The following APPL1 variants were observed in gnomAD, a reference collection of about 807,000 sequenced individuals.
APPL1 encodes DCC-interacting protein 13-alpha.
A neutral mutation model predicts 106.8 loss-of-function variants in APPL1; 42 were observed. The observed-to-expected ratio is 0.39, with a 90% confidence interval of 0.31 to 0.51. The LOEUF (loss-of-function observed/expected upper bound fraction) is 0.51, where lower values mean the gene tolerates loss of function less well. Among genes scored for constraint, APPL1 ranks in the 20% least tolerant of loss-of-function variants. The pLI, the probability that APPL1 is intolerant of heterozygous loss-of-function variation, is 0.75. For missense variants in APPL1, 769 were observed against 858.2 expected (o/e 0.90, Z 1.30); for synonymous variants, 263 against 281.8 (o/e 0.93, Z 0.67).
intron 19 of APPL1, among the ~76,000 whole-genome samples, chr3:57,263,040 A>G (rs566488981): frequency 6.6e-6 from 1 of 151,888 alleles, no homozygotes; most frequent in East Asian, 2.0e-4. Context: ...TAGTAGAGAC[A>G]GGGTTTCTCC....
At chr3:57,246,371 G>A in intron 8 of APPL1, 149 bp downstream of exon 8, 1 of 560,700 alleles carries the variant, frequency 1.8e-6, no homozygotes, top group Non-Finnish European at 2.7e-6. Context: ...AATGTCATCA[G>A]ACTATTATTT....
In APPL1 at chr3:57,270,362, G is replaced by A. The variant is rs1007738599; in HGVS notation, c.*675G>A. On this transcript the variant is annotated 3_prime_UTR_variant, in exon 22 of 22. Transcript: ENST00000288266. ...TCAGTTCAAGATTGATAGAGCCCTT[G>A]GCATTTTATTATCACATTCTTAGTT... 1 of 152,564 alleles carries A rather than the reference G, an allele frequency of 6.6e-6. No individual in the cohort carries two copies. The highest frequency in any genetic ancestry group is 2.4e-5 in the African/African-American group (1 of 41,442). The allele number at this position is 152,564 out of a possible 1,614,324, so 9.5% of individuals were successfully genotyped here. A position where few individuals can be genotyped will look rare whatever the true frequency, so the allele number is the denominator to read the frequency against.
chr3:57,269,303 T>G, intron 21 of APPL1: 1 of 414,866 alleles, frequency 2.4e-6, no homozygotes, highest in Non-Finnish European at 4.3e-6. Flanking sequence ...TTGTTGGTCA[T>G]AAAAAAAGAA....
chr3:57,249,288 A>T, intron 10 of APPL1, 72 bp from the exon 11 acceptor site: 1 of 1,528,646 alleles, frequency 6.5e-7, no homozygotes, highest in Admixed American at 1.7e-5. Flanking sequence ...AACATGCTTT[A>T]TCTTGTGTCT....
chr3:57,250,807 T>TC (rs1472780258), intron 11 of APPL1, among the ~76,000 whole-genome samples: 26 of 141,740 alleles, frequency 1.8e-4, no homozygotes, highest in South Asian at 7.1e-4. Flanking sequence ...TTTCTTTCTT[T>TC]TTTTTTTTTT....
intron 9 of APPL1, among the ~76,000 whole-genome samples, 172 bp downstream of exon 9, chr3:57,247,649 C>T (rs967546014): frequency 6.6e-6 from 1 of 151,736 alleles, no homozygotes; most frequent in African/African-American, 2.4e-5. Context: ...CTCTTTTTTC[C>T]ACAGATTGTG....
intron 20 of APPL1, 84 bp from the exon 21 acceptor site, chr3:57,268,314 G>A (rs2060908869): frequency 4.6e-6 from 6 of 1,318,202 alleles, no homozygotes; most frequent in South Asian, 3.2e-5. Context: ...ATATTGAAAG[G>A]TTACCATGTG....
intron 12 of APPL1, among the ~76,000 whole-genome samples, chr3:57,253,132 CAGA>C (rs1377884107): frequency 1.3e-5 from 2 of 152,156 alleles, no homozygotes; most frequent in Non-Finnish European, 1.5e-5. Flanking sequence ...GAGAGTGAAG[CAGA>C]AGATGTAGAG....
intron 2 of APPL1, among the ~76,000 whole-genome samples, chr3:57,236,330 CTTT>C (rs1359304100): frequency 2.2e-5 from 3 of 133,786 alleles, no homozygotes; most frequent in Non-Finnish European, 4.9e-5. Flanking sequence ...ACCCAGCCCC[CTTT>C]TTTTTTTTTT....
At chr3:57,260,398 A>C in intron 18 of APPL1, 1 of 552,198 alleles carries the variant, frequency 1.8e-6, no homozygotes, top group South Asian at 3.5e-5. Flanking sequence ...TGACTTTGTA[A>C]AATGTGTTAA....
intron 1 of APPL1, among the ~76,000 whole-genome samples, chr3:57,231,224 A>C (rs2060685104): frequency 6.7e-6 from 1 of 149,354 alleles, no homozygotes; most frequent in Admixed American, 6.8e-5. Context: ...CTGTAATCCC[A>C]GCTACTCGGG....
At chr3:57,259,143 T>C in intron 16 of APPL1, 63 bp downstream of exon 16, 2 of 1,357,046 alleles carry the variant, frequency 1.5e-6, no homozygotes, top group Non-Finnish European at 2.1e-6. Flanking sequence ...GTGAATAATT[T>C]ATTGTTTATA....
At position 57,271,945 on chromosome 3, in the gene APPL1, G is replaced by C. The variant is rs1002470206; in HGVS notation, c.*2258G>C. The C allele has an allele frequency of 6.6e-6, 1 of 152,198 alleles. No individual in the cohort carries two copies. Among genetic ancestry groups the C allele is most frequent in the Non-Finnish European group, 1.5e-5 (1 of 68,032 alleles). 9.4% of individuals were successfully genotyped at this position (152,198 alleles called of 1,614,324 possible). A position where few individuals can be genotyped will look rare whatever the true frequency, so the allele number is the denominator to read the frequency against. On this transcript the variant is annotated 3_prime_UTR_variant, in exon 22 of 22. Transcript: ENST00000288266. ...CATTACTGCAGAGATTTAAGTATCT[G>C]TTTTAATAAGCTCTTTTTGTTATTT...
At chr3:57,259,663 C>T (rs2060854902) in intron 16 of APPL1, 182 bp from the exon 17 acceptor site, 2 of 509,288 alleles carry the variant, frequency 3.9e-6, no homozygotes, top group East Asian at 6.8e-5. Context: ...TTTCCTATAA[C>T]TTGGAATACT....
chr3:57,259,122 C>G (rs776715613), intron 16 of APPL1, 42 bp downstream of exon 16: 3 of 1,471,380 alleles, frequency 2.0e-6, no homozygotes, highest in Non-Finnish European at 9.4e-7. Flanking sequence ...AGAACTGCTT[C>G]TCAGCAAACT....
At position 57,259,989 on chromosome 3, in the gene APPL1, C is replaced by T. The variant is rs2060856896; in HGVS notation, c.1628C>T (p.Ser543Leu). ...CATAACATCTTTCGTATGACAGAAT[C>T]GCATTTATTAGTCACTTGTGACTGT... ...AIHNIFRMTE[S>L]HLLVTCDCLK... The change falls in exon 17 of 22, where the codon TCG becomes TTG. Residue 543 changes from serine to leucine, a missense_variant. Transcript: ENST00000288266. 6.8e-6 allele frequency: 11 copies of T among 1,613,728 alleles called. No homozygotes were observed. Among genetic ancestry groups the T allele is most frequent in the South Asian group, 2.2e-5 (2 of 90,922 alleles).
At position 57,270,157 on chromosome 3, in the gene APPL1, A is replaced by G. The variant is rs1310134666; in HGVS notation, c.*470A>G. ...TACAGAGAATTCTACAAGTTTGCAA[A>G]TATTTTAACAATATTAAATGTGCAA... On this transcript the variant is annotated 3_prime_UTR_variant, in exon 22 of 22. Transcript: ENST00000288266. The G allele has an allele frequency of 6.5e-6, 1 of 152,868 alleles. No individual in the cohort carries two copies. The highest frequency in any genetic ancestry group is 2.4e-5 in the African/African-American group (1 of 41,464). 9.5% of individuals were successfully genotyped at this position (152,868 alleles called of 1,614,324 possible). A position where few individuals can be genotyped will look rare whatever the true frequency, so the allele number is the denominator to read the frequency against.
rs1358430460 is a variant in APPL1, at chr3:57,228,834, C to G, written c.54+897C>G. Among the ~76,000 whole-genome samples, 1 of 152,196 alleles carries G rather than the reference C, an allele frequency of 6.6e-6. No homozygotes were observed. Among genetic ancestry groups the G allele is most frequent in the East Asian group, 1.9e-4 (1 of 5,206 alleles). ...GTTTAAGACGGTGTTGCTGGTTGGA[C>G]ACTATTTAGAATGAAACATTTCTGA... On this transcript the variant is annotated intron_variant, in intron 1 of 21. Transcript: ENST00000288266. This position sits in a 1 kb window ranked among gnomAD's most constrained non-coding sequence, Gnocchi z 4.6.
chr3:57,243,246 T>C lies in APPL1; in HGVS notation c.474+332T>C, dbSNP rs148837279. Among the ~76,000 whole-genome samples the C allele has an allele frequency of 3.4e-3, 513 of 152,330 alleles. 3 individuals carry two copies. The highest frequency in any genetic ancestry group is 3.1e-3 in the Non-Finnish European group (211 of 68,022). On this transcript the variant is annotated intron_variant, in intron 7 of 21. Coordinates refer to ENST00000288266, the MANE Select transcript of APPL1 (RefSeq NM_012096.3). ...GAATATATAGGTGTGTTCAAAAATGTCTTCTGAGATAGAGTGGTCACACAC... is the reference window on the plus strand; with the variant it reads ...GAATATATAGGTGTGTTCAAAAATGCCTTCTGAGATAGAGTGGTCACACAC...
Sources: allele counts gnomAD v4.1 joint callset (sites outside exome capture counted in the v4.1 genomes callset), GRCh38; gene constraint gnomAD v4.1.1; non-coding constraint Gnocchi (gnomAD v3.1); transcripts MANE v1.5; gene names NCBI Gene and HGNC (gene_info 2026-07-23, HGNC 2026-07-21).